EGFLAM: variants seen among roughly 807,000 people sequenced by gnomAD.
The protein encoded by EGFLAM is EGF like, fibronectin type III and laminin G domains, also known as pikachurin.
Under a neutral mutation model 113.1 loss-of-function variants are expected in EGFLAM, and 79 were observed. The ratio of observed to expected loss-of-function variants is 0.70; its 90% CI spans 0.58 to 0.84. The LOEUF (loss-of-function observed/expected upper bound fraction) is 0.84. EGFLAM is among the 40% of genes least tolerant of loss of function. EGFLAM has a pLI of 0.00. For synonymous variants in EGFLAM, 504 were observed against 487.6 expected (o/e 1.03, Z -0.44); for missense variants, 1,265 against 1,291.6 (o/e 0.98, Z 0.32).
chr5:38,275,069 A>G (rs1008439590), intron 1 of EGFLAM, among the ~76,000 whole-genome samples: 2 of 152,212 alleles, frequency 1.3e-5, no homozygotes, highest in Admixed American at 6.5e-5. Context: ...CGTGGTAACC[A>G]CAGAGCAAAA....
intron 6 of EGFLAM, among the ~76,000 whole-genome samples, chr5:38,381,259 C>G (rs1740504108): frequency 6.6e-6 from 1 of 152,108 alleles, no homozygotes; most frequent in South Asian, 2.1e-4. Flanking sequence ...GGGATCATTT[C>G]TTAGCATCTA....
intron 14 of EGFLAM, chr5:38,427,503 A>G: frequency 2.1e-6 from 1 of 481,254 alleles, no homozygotes; most frequent in Non-Finnish European, 3.5e-6. Context: ...GCTTCAAACT[A>G]TGGAAAATGG....
At chr5:38,329,332 A>C (rs1204487519) in intron 1 of EGFLAM, among the ~76,000 whole-genome samples, 10 of 137,844 alleles carry the variant, frequency 7.3e-5, no homozygotes, top group Non-Finnish European at 1.1e-4. Context: ...TAAATAAATA[A>C]ATAAATTTTA....
Position 38,294,820 on chromosome 5 carries a change from A to G in EGFLAM, c.97+35969A>G, listed in dbSNP as rs536214426. On this transcript the variant is annotated intron_variant, in intron 1 of 21. Coordinates refer to ENST00000322350, the MANE Select transcript of EGFLAM (RefSeq NM_152403.4). ...CTACCTTGATTTATTTTAAAAAGCA[A>G]CTCATTCTTTTTTTTGGTGGAGGGG... Among the ~76,000 whole-genome samples the G allele has an allele frequency of 2.7e-5, 4 of 147,246 alleles. No homozygotes were observed. The East Asian group carries it at 7.8e-4, about 29-fold the overall frequency.
intron 5 of EGFLAM, among the ~76,000 whole-genome samples, chr5:38,356,410 C>T (rs972376263): frequency 3.3e-5 from 5 of 152,198 alleles, no homozygotes; most frequent in Non-Finnish European, 4.4e-5. Flanking sequence ...AGACACTCAG[C>T]GTGTATCTGT....
chr5:38,403,746 A>C, intron 6 of EGFLAM: 5 of 1,542,816 alleles, frequency 3.2e-6, no homozygotes, highest in Non-Finnish European at 4.4e-6. Flanking sequence ...ATGAAATTGC[A>C]GAAAGCAAAA....
Position 38,387,642 on chromosome 5 carries a change from C to T in EGFLAM, c.712+17180C>T, listed in dbSNP as rs531523375. ...CCCTCTCTGATGGAGAATGACTTTGCGATGCTTCAATGCTTGGAAGCCCTG... is the reference window on the plus strand; with the variant it reads ...CCCTCTCTGATGGAGAATGACTTTGTGATGCTTCAATGCTTGGAAGCCCTG... On this transcript the variant is annotated intron_variant, in intron 6 of 21. Coordinates refer to ENST00000322350, the MANE Select transcript of EGFLAM (RefSeq NM_152403.4). 2.2e-3 allele frequency among the ~76,000 whole-genome samples: 333 copies of T among 152,386 alleles called. 1 individual carries two copies. The highest frequency in any genetic ancestry group is 7.5e-3 in the African/African-American group (314 of 41,598).
chr5:38,333,510 G>A (rs1037839127), intron 1 of EGFLAM, among the ~76,000 whole-genome samples: 4 of 152,108 alleles, frequency 2.6e-5, no homozygotes, highest in South Asian at 4.2e-4. Context: ...GGTGTGAGAC[G>A]GTATCTCATT....
chr5:38,420,833 A>G (rs1741797389), intron 12 of EGFLAM, among the ~76,000 whole-genome samples: 1 of 152,208 alleles, frequency 6.6e-6, no homozygotes, highest in South Asian at 2.1e-4. Context: ...CTTTTCCAGC[A>G]GGTGGCACCA....
chr5:38,287,980 G>C (rs1758209535), intron 1 of EGFLAM, among the ~76,000 whole-genome samples: 2 of 152,082 alleles, frequency 1.3e-5, no homozygotes, highest in African/African-American at 4.8e-5. Context: ...TAACGCTTTG[G>C]AAAATTCCAA....
At chr5:38,461,914 C>T (rs935618455) in intron 20 of EGFLAM, among the ~76,000 whole-genome samples, 47 of 152,084 alleles carry the variant, frequency 3.1e-4, no homozygotes, top group African/African-American at 1.1e-3. Context: ...GCCTGTAATC[C>T]CAGCACTTTG....
At chr5:38,343,328 C>T (rs1323322761) in intron 3 of EGFLAM, among the ~76,000 whole-genome samples, 1 of 151,294 alleles carries the variant, frequency 6.6e-6, no homozygotes, top group Admixed American at 6.6e-5. Context: ...ATTGCTTGAA[C>T]CCTGGAGGCG....
intron 5 of EGFLAM, among the ~76,000 whole-genome samples, chr5:38,359,381 A>C (rs1049686563): frequency 2.6e-4 from 40 of 152,334 alleles, no homozygotes; most frequent in Non-Finnish European, 4.0e-4. Context: ...GTTTTTAGTT[A>C]AAAGTCCACC....
chr5:38,423,064 T>A (rs1220900778), intron 12 of EGFLAM, among the ~76,000 whole-genome samples: 1 of 152,088 alleles, frequency 6.6e-6, no homozygotes, highest in African/African-American at 2.4e-5. Context: ...ACCTTAGACT[T>A]AAATCCAACC....
intron 1 of EGFLAM, among the ~76,000 whole-genome samples, chr5:38,336,167 T>C (rs577212476): frequency 6.6e-6 from 1 of 152,366 alleles, no homozygotes; most frequent in East Asian, 1.9e-4. Flanking sequence ...ATGATTTTAA[T>C]GATTGTAAAT....
chr5:38,436,506 C>T (rs1273341212), intron 16 of EGFLAM, among the ~76,000 whole-genome samples: 1 of 152,134 alleles, frequency 6.6e-6, no homozygotes, highest in Non-Finnish European at 1.5e-5. Context: ...TACTGAAGTT[C>T]GAGGTCTGTG....
rs115435013 is a variant in EGFLAM at position 38,450,617 on chromosome 5, C to T, written c.2544-698C>T. Among the ~76,000 whole-genome samples, 711 of 152,364 alleles carry T rather than the reference C, an allele frequency of 4.7e-3. 9 individuals are homozygous for T. The highest frequency in any genetic ancestry group is 0.016 in the African/African-American group (646 of 41,588). On this transcript the variant is annotated intron_variant, in intron 18 of 21. Coordinates refer to ENST00000322350, the MANE Select transcript of EGFLAM (RefSeq NM_152403.4). ...TCTCTGTGCAAGATGAAACACTGAT[C>T]ACACTAATAAGAATGAATTTCTGAA...
At chr5:38,361,957 C>T (rs371731921) in intron 5 of EGFLAM, among the ~76,000 whole-genome samples, 16 of 151,710 alleles carry the variant, frequency 1.1e-4, no homozygotes, top group African/African-American at 3.1e-4. Flanking sequence ...TTCACACTAG[C>T]GGTTACTTAT....
rs1465181258 is a variant in EGFLAM at position 38,352,305 on chromosome 5, T to G, written c.519T>G (p.Ile173Met). Reference protein sequence around the residue: ...KPGASEGSAPIQYYSVEFIRP... With the variant: ...KPGASEGSAPMQYYSVEFIRP... ...GAGCGAGTGAAGGAAGCGCCCCTAT[T>G]CAGTACTATTCTGTGGAATTCATCA... Residue 173 changes from isoleucine to methionine, a missense_variant, in exon 5 of 22, where the codon ATT becomes ATG. Transcript: ENST00000322350. 1 of 1,614,052 alleles carries G rather than the reference T, an allele frequency of 6.2e-7. No individual in the cohort carries two copies. The highest frequency in any genetic ancestry group is 2.2e-5 in the East Asian group (1 of 44,876).
Sources: gnomAD v4.1 joint callset for allele counts (sites outside exome capture counted in the v4.1 genomes callset) on GRCh38, gnomAD v4.1.1 for gene constraint, MANE v1.5 for transcripts, NCBI Gene and HGNC (gene_info 2026-07-23, HGNC 2026-07-21) for gene names.